Variants in ZMIZ1 observed in about 807,000 individuals in gnomAD.
The protein encoded by ZMIZ1 is zinc finger MIZ-type containing 1.
ZMIZ1 carries 17 observed loss-of-function variants against 113.9 expected under a neutral mutation model. That is an observed-to-expected ratio of 0.15 (90% CI 0.10 to 0.22). The LOEUF is 0.22. Among genes scored for constraint, ZMIZ1 ranks in the 10% least tolerant of loss-of-function variants. ZMIZ1 has a pLI of 1.00. For missense variants in ZMIZ1, 1,059 were observed against 1,477.8 expected (o/e 0.72, Z 4.65); for synonymous variants, 607 against 603.1 (o/e 1.01, Z -0.09).
chr10:79,138,110 C>A (rs907137343), intron 2 of ZMIZ1, among the ~76,000 whole-genome samples: 25 of 152,216 alleles, frequency 1.6e-4, no homozygotes, highest in Non-Finnish European at 3.4e-4. Context: ...GGTCTCCAAC[C>A]TGTGGGCAGA....
intron 4 of ZMIZ1, among the ~76,000 whole-genome samples, chr10:79,182,162 C>T (rs1240270816): frequency 2.0e-5 from 3 of 152,204 alleles, no homozygotes; most frequent in Admixed American, 1.3e-4. Context: ...GCACCTCTCC[C>T]GAGGGGCAAG....
intron 4 of ZMIZ1, among the ~76,000 whole-genome samples, chr10:79,197,599 C>CACACACACACAT (rs879362896): frequency 7.0e-6 from 1 of 142,246 alleles, no homozygotes; most frequent in Non-Finnish European, 1.5e-5. Flanking sequence ...AGACCATACA[C>CACACACACACAT]ACACACACAC....
intron 4 of ZMIZ1, among the ~76,000 whole-genome samples, chr10:79,171,476 C>G (rs1455811096): frequency 6.6e-6 from 1 of 152,226 alleles, no homozygotes. Context: ...CAGCCCCTCT[C>G]CACTGCTCTC....
chr10:79,159,544 C>T (rs1399184284), intron 3 of ZMIZ1, among the ~76,000 whole-genome samples: 2 of 152,204 alleles, frequency 1.3e-5, no homozygotes. Context: ...GGCTGTGTTC[C>T]TGTGGGCTGC....
chr10:79,081,160 T>C (rs771958005), intron 1 of ZMIZ1, among the ~76,000 whole-genome samples: 1 of 150,136 alleles, frequency 6.7e-6, no homozygotes, highest in Non-Finnish European at 1.5e-5. Context: ...CCCCTAGTTC[T>C]CTTCTCAGGA....
intron 3 of ZMIZ1, among the ~76,000 whole-genome samples, chr10:79,144,759 T>G (rs1487455037): frequency 6.6e-6 from 1 of 152,260 alleles, no homozygotes; most frequent in Non-Finnish European, 1.5e-5. Flanking sequence ...ATGTAAATTC[T>G]GTTTAACTTC....
chr10:79,090,380 C>G (rs1031584940), intron 1 of ZMIZ1, among the ~76,000 whole-genome samples: 1 of 152,162 alleles, frequency 6.6e-6, no homozygotes, highest in Non-Finnish European at 1.5e-5. Context: ...GCTCAAGACC[C>G]ACAAGGAGAC....
At chr10:79,274,186 G>C (rs1263829115) in intron 7 of ZMIZ1, among the ~76,000 whole-genome samples, 2 of 152,238 alleles carry the variant, frequency 1.3e-5, no homozygotes, top group Non-Finnish European at 2.9e-5. Context: ...GCTCAGGTCA[G>C]GACTGACACT....
At chr10:79,127,842 G>T (rs1190626434) in intron 2 of ZMIZ1, among the ~76,000 whole-genome samples, 3 of 152,184 alleles carry the variant, frequency 2.0e-5, no homozygotes, top group African/African-American at 7.2e-5. Flanking sequence ...GGGGCTGCCA[G>T]TGGCGCTGAC....
At chr10:79,167,483 C>A (rs1248193240) in intron 4 of ZMIZ1, among the ~76,000 whole-genome samples, 1 of 152,106 alleles carries the variant, frequency 6.6e-6, no homozygotes, top group Non-Finnish European at 1.5e-5. Context: ...CCACTGCTGT[C>A]CTGCAGGACA....
At chr10:79,230,749 C>T (rs1056436686) in intron 7 of ZMIZ1, among the ~76,000 whole-genome samples, 4 of 152,198 alleles carry the variant, frequency 2.6e-5, no homozygotes, top group African/African-American at 7.2e-5. Flanking sequence ...GATTGTCCGC[C>T]CGTGTGGAAG....
chr10:79,271,119 T>C (rs992641211), intron 7 of ZMIZ1, among the ~76,000 whole-genome samples: 1 of 152,148 alleles, frequency 6.6e-6, no homozygotes, highest in Admixed American at 6.5e-5. Context: ...CTGTGCAACA[T>C]GTGTGCCAGA....
chr10:79,309,728 T>G (rs964023702), intron 23 of ZMIZ1, among the ~76,000 whole-genome samples: 1 of 152,020 alleles, frequency 6.6e-6, no homozygotes, highest in African/African-American at 2.4e-5. Context: ...TGGCTGCAAA[T>G]TCTAAATGCA....
intron 2 of ZMIZ1, among the ~76,000 whole-genome samples, chr10:79,129,821 T>G (rs1844674195): frequency 6.6e-6 from 1 of 152,208 alleles, no homozygotes; most frequent in African/African-American, 2.4e-5. Flanking sequence ...CACTGGCCCT[T>G]CCGGTGCATT....
chr10:79,281,309 C>G (rs1852729004), intron 8 of ZMIZ1, among the ~76,000 whole-genome samples: 1 of 152,164 alleles, frequency 6.6e-6, no homozygotes. Context: ...CAGGGCAGGA[C>G]TAGGGTTCAT....
intron 4 of ZMIZ1, among the ~76,000 whole-genome samples, chr10:79,191,049 T>C (rs73302118): frequency 0.052 from 7,884 of 151,844 alleles, 700 homozygotes; most frequent in African/African-American, 0.18. Flanking sequence ...GCTGGGAGAG[T>C]GCAGTGATTG....
At chr10:79,201,819 T>C in intron 5 of ZMIZ1, 127 bp downstream of exon 5, 1 of 1,018,764 alleles carries the variant, frequency 9.8e-7, no homozygotes. Flanking sequence ...TCGAGGCCGT[T>C]ATTGGCATGC....
At chr10:79,257,600 G>A (rs1009867331) in intron 7 of ZMIZ1, among the ~76,000 whole-genome samples, 2 of 152,242 alleles carry the variant, frequency 1.3e-5, no homozygotes, top group African/African-American at 2.4e-5. Context: ...TGGAAGAGAA[G>A]CCAGGCCTCA....
intron 9 of ZMIZ1, among the ~76,000 whole-genome samples, 170 bp downstream of exon 9, chr10:79,290,059 C>T (rs960529274): frequency 2.0e-5 from 3 of 152,260 alleles, no homozygotes; most frequent in African/African-American, 7.2e-5. Context: ...AGGCTCTGCA[C>T]CCGCCTCAGG....
Sources: gnomAD v4.1 joint callset for allele counts (sites outside exome capture counted in the v4.1 genomes callset) on GRCh38, gnomAD v4.1.1 for gene constraint, MANE v1.5 for transcripts, NCBI Gene and HGNC (gene_info 2026-07-23, HGNC 2026-07-21) for gene names.